Variants in SIPA1L1 observed in about 807,000 individuals in gnomAD.
The protein encoded by SIPA1L1 is signal-induced proliferation-associated 1-like protein 1.
SIPA1L1 carries 26 observed loss-of-function variants against 162.7 expected under a neutral mutation model. That is an observed-to-expected ratio of 0.16 (90% CI 0.12 to 0.22). The LOEUF is 0.22. Ranked by LOEUF, SIPA1L1 falls within the 10% of genes least tolerant of loss-of-function variation. The pLI is 1.00. For synonymous variants in SIPA1L1, 829 were observed against 837.4 expected (o/e 0.99, Z 0.17); for missense variants, 1,874 against 2,241.0 (o/e 0.84, Z 3.31).
intron 10 of SIPA1L1, among the ~76,000 whole-genome samples, chr14:71,662,871 T>C: frequency 6.6e-6 from 1 of 152,316 alleles, no homozygotes; most frequent in Middle Eastern, 3.4e-3. Flanking sequence ...GATGGATAAC[T>C]ATTTGCATTT....
chr14:71,511,772 G>GT (rs1338197124), intron 2 of SIPA1L1, among the ~76,000 whole-genome samples: 6 of 152,190 alleles, frequency 3.9e-5, no homozygotes, highest in Non-Finnish European at 8.8e-5. Flanking sequence ...AGTCATGTGA[G>GT]TAGAGGTTTG....
intron 12 of SIPA1L1, among the ~76,000 whole-genome samples, chr14:71,680,639 A>G (rs1040916043): frequency 2.6e-5 from 4 of 152,178 alleles, no homozygotes; most frequent in African/African-American, 9.7e-5. Flanking sequence ...AATGAATCCA[A>G]GAGCTGGTTT....
At chr14:71,648,379 G>T (rs1180627571) in intron 7 of SIPA1L1, among the ~76,000 whole-genome samples, 2 of 152,208 alleles carry the variant, frequency 1.3e-5, no homozygotes, top group Non-Finnish European at 2.9e-5. Context: ...TAAGCAGGGT[G>T]CAGGGGAGGG....
intron 2 of SIPA1L1, among the ~76,000 whole-genome samples, chr14:71,394,659 T>C (rs1371151673): frequency 6.6e-6 from 1 of 152,262 alleles, no homozygotes; most frequent in Non-Finnish European, 1.5e-5. Flanking sequence ...TATTTGAGTT[T>C]AGTGATCTGG....
chr14:71,474,167 G>A (rs1297749809), intron 2 of SIPA1L1, among the ~76,000 whole-genome samples: 1 of 152,176 alleles, frequency 6.6e-6, no homozygotes, highest in Non-Finnish European at 1.5e-5. Flanking sequence ...ATGGGTTGAA[G>A]GTAACGTAGA....
At chr14:71,604,171 T>C (rs2037203928) in intron 5 of SIPA1L1, among the ~76,000 whole-genome samples, 1 of 151,418 alleles carries the variant, frequency 6.6e-6, no homozygotes, top group Non-Finnish European at 1.5e-5. Flanking sequence ...CTCACTTTTA[T>C]ATTTTTTTAT....
At chr14:71,698,835 C>A in intron 13 of SIPA1L1, 146 bp from the exon 14 acceptor site, 4 of 445,900 alleles carry the variant, frequency 9.0e-6, no homozygotes, top group Non-Finnish European at 1.3e-5. Flanking sequence ...GGGGAAGTTT[C>A]TTTTGTAGGC....
intron 2 of SIPA1L1, among the ~76,000 whole-genome samples, chr14:71,511,429 C>T (rs191451618): frequency 1.8e-3 from 280 of 152,176 alleles, no homozygotes; most frequent in Non-Finnish European, 2.9e-3. Flanking sequence ...AGACTACAGG[C>T]GTGGGCCACC....
chr14:71,610,845 T>G (rs529500029), intron 5 of SIPA1L1, among the ~76,000 whole-genome samples: 1 of 152,324 alleles, frequency 6.6e-6, no homozygotes, highest in African/African-American at 2.4e-5. Flanking sequence ...AAATTCCATG[T>G]AATCTTGGCA....
At chr14:71,651,045 A>T (rs2042576986) in intron 8 of SIPA1L1, among the ~76,000 whole-genome samples, 1 of 152,190 alleles carries the variant, frequency 6.6e-6, no homozygotes, top group African/African-American at 2.4e-5. Context: ...AGTTTAGCTC[A>T]TAAAATGTGT....
chr14:71,537,686 T>TTC (rs945657665), intron 4 of SIPA1L1, among the ~76,000 whole-genome samples: 1 of 152,074 alleles, frequency 6.6e-6, no homozygotes, highest in Admixed American at 6.6e-5. Context: ...TCATTTCCTT[T>TTC]TCTCTCTCTC....
At chr14:71,386,572 A>G (rs1288063080) in intron 2 of SIPA1L1, among the ~76,000 whole-genome samples, 1 of 152,196 alleles carries the variant, frequency 6.6e-6, no homozygotes, top group Non-Finnish European at 1.5e-5. Flanking sequence ...ATGCACAGTA[A>G]ATATCTGTAA....
chr14:71,491,374 G>A (rs1259626252), intron 2 of SIPA1L1, among the ~76,000 whole-genome samples: 1 of 152,052 alleles, frequency 6.6e-6, no homozygotes, highest in Non-Finnish European at 1.5e-5. Flanking sequence ...CCTAGGTTCT[G>A]GGGACAGTAT....
At chr14:71,542,749 C>CTT (rs59235396) in intron 4 of SIPA1L1, among the ~76,000 whole-genome samples, 7 of 124,038 alleles carry the variant, frequency 5.6e-5, no homozygotes, top group African/African-American at 1.5e-4. Context: ...CTCTCTCTCT[C>CTT]TTTTTTTTTT....
rs545919355 is a variant in SIPA1L1 at position 71,320,948 on chromosome 14, C to G, written c.-524-174C>G. 1.1e-4 allele frequency among the ~76,000 whole-genome samples: 16 copies of G among 152,126 alleles called. No individual in the cohort carries two copies. In the South Asian group the frequency reaches 3.3e-3, roughly 32 times the overall value. ...CGCCGGCCCCCCGCCAGCCTGTATT[C>G]CGGGTCCCCCTCGGAGCCAGCCTCG... On this transcript the variant is annotated intron_variant, in intron 1 of 23. Transcript: ENST00000381232.
chr14:71,700,363 A>G (rs2081990911), intron 14 of SIPA1L1, among the ~76,000 whole-genome samples: 1 of 152,206 alleles, frequency 6.6e-6, no homozygotes, highest in East Asian at 1.9e-4. Context: ...CCTGTCTCTT[A>G]AAAAATAAAA....
chr14:71,584,203 C>T (rs1176009975), intron 4 of SIPA1L1, among the ~76,000 whole-genome samples: 1 of 152,120 alleles, frequency 6.6e-6, no homozygotes, highest in African/African-American at 2.4e-5. Flanking sequence ...ACATGGTTAT[C>T]ACAGAGGTCC....
At chr14:71,680,374 C>T (rs2045681982) in intron 12 of SIPA1L1, among the ~76,000 whole-genome samples, 2 of 152,152 alleles carry the variant, frequency 1.3e-5, no homozygotes, top group African/African-American at 2.4e-5. Context: ...TTCTTTGAAA[C>T]CAATGAGAAC....
intron 6 of SIPA1L1, 44 bp from the exon 7 acceptor site, chr14:71,624,004 C>T: frequency 2.0e-6 from 3 of 1,528,046 alleles, no homozygotes; most frequent in South Asian, 1.3e-5. Context: ...GTTCAGGCAT[C>T]TCACATCCCA....
Sources: gnomAD v4.1 joint callset for allele counts (sites outside exome capture counted in the v4.1 genomes callset) on GRCh38, gnomAD v4.1.1 for gene constraint, MANE v1.5 for transcripts, NCBI Gene and HGNC (gene_info 2026-07-23, HGNC 2026-07-21) for gene names.